The following DKK2 variants were observed in gnomAD, a reference collection of about 807,000 sequenced individuals.
The protein encoded by DKK2 is dickkopf-related protein 2.
In DKK2, 11 loss-of-function variants were observed where a neutral mutation model predicts 28.1. That is an observed-to-expected ratio of 0.39 (90% CI 0.25 to 0.65). The LOEUF (loss-of-function observed/expected upper bound fraction) is 0.65. Ranked by LOEUF, DKK2 falls within the 30% of genes least tolerant of loss-of-function variation. The pLI is 0.47. For missense variants in DKK2, 326 were observed against 335.5 expected (o/e 0.97, Z 0.22); for synonymous variants, 135 against 126.5 (o/e 1.07, Z -0.45).
Position 106,923,987 on chromosome 4 carries a change from G to A in DKK2, c.747C>T (p.Ser249=). The A allele has an allele frequency of 6.2e-7, 1 of 1,613,940 alleles. No individual in the cohort carries two copies. Among genetic ancestry groups the A allele is most frequent in the Non-Finnish European group, 8.5e-7 (1 of 1,179,872 alleles). Residue 249 remains serine (S), a synonymous_variant, in exon 4 of 4, where the codon TCC becomes TCT. Transcript: ENST00000285311. The part of the protein sequence containing the change: ...CKVWKDATYS[S]KARLHVCQKI ...TCTGACACACATGGAGTCTGGCTTT[G>A]GAGGAGTAGGTGGCATCTTTCCATA...
intron 1 of DKK2, among the ~76,000 whole-genome samples, chr4:106,942,349 T>C (rs936667126): frequency 6.6e-6 from 1 of 152,150 alleles, no homozygotes; most frequent in Non-Finnish European, 1.5e-5. Flanking sequence ...GATAAAAAAA[T>C]GAAATCCTGT....
In DKK2 at chr4:106,923,950, G is replaced by A; in HGVS notation, c.*4C>T. On this transcript the variant is annotated 3_prime_UTR_variant, in exon 4 of 4. Transcript: ENST00000285311. ...CTGCAATTGATGATGTTCCTCAATG[G>A]TGATCAAATTTTCTGACACACATGG... The A allele has an allele frequency of 6.2e-7, 1 of 1,613,082 alleles. No individual in the cohort carries two copies. Among genetic ancestry groups the A allele is most frequent in the Non-Finnish European group, 8.5e-7 (1 of 1,179,158 alleles).
chr4:106,963,363 A>G (rs1386487468), intron 1 of DKK2, among the ~76,000 whole-genome samples: 1 of 152,002 alleles, frequency 6.6e-6, no homozygotes, highest in African/African-American at 2.4e-5. Flanking sequence ...AAAAAAAAAA[A>G]GAGGCAAAAA....
chr4:106,931,690 A>G (rs1724507097), intron 1 of DKK2, among the ~76,000 whole-genome samples: 1 of 152,164 alleles, frequency 6.6e-6, no homozygotes, highest in Non-Finnish European at 1.5e-5. Context: ...ATATTTACTC[A>G]TGGGCATTTT....
intron 1 of DKK2, among the ~76,000 whole-genome samples, chr4:106,927,985 C>G (rs894708090): frequency 2.0e-5 from 3 of 152,078 alleles, no homozygotes; most frequent in African/African-American, 7.2e-5. Flanking sequence ...TCCATCCCCC[C>G]AAAATAGTCC....
At chr4:107,015,355 G>A (rs1723579590) in intron 1 of DKK2, among the ~76,000 whole-genome samples, 1 of 151,476 alleles carries the variant, frequency 6.6e-6, no homozygotes, top group Non-Finnish European at 1.5e-5. Flanking sequence ...TTGCTTTTCT[G>A]TCAAATGCCT....
chr4:106,954,469 A>G (rs1722556985), intron 1 of DKK2, among the ~76,000 whole-genome samples: 1 of 152,176 alleles, frequency 6.6e-6, no homozygotes, highest in Non-Finnish European at 1.5e-5. Flanking sequence ...TTTAATGTAC[A>G]ACTCCATTAT....
intron 1 of DKK2, among the ~76,000 whole-genome samples, chr4:107,014,029 C>G (rs958568116): frequency 2.0e-5 from 3 of 151,556 alleles, no homozygotes; most frequent in Non-Finnish European, 3.0e-5. Flanking sequence ...AACTCATACA[C>G]TGTTTGTGGG....
chr4:107,000,997 G>C (rs964650995), intron 1 of DKK2, among the ~76,000 whole-genome samples: 4 of 151,922 alleles, frequency 2.6e-5, no homozygotes, highest in African/African-American at 9.7e-5. Context: ...ACTGTTCTAT[G>C]GATTGATTTC....
chr4:106,999,952 T>C (rs1234235391), intron 1 of DKK2, among the ~76,000 whole-genome samples: 2 of 152,048 alleles, frequency 1.3e-5, no homozygotes, highest in African/African-American at 2.4e-5. Flanking sequence ...ACTACAAAAA[T>C]GCATAAATGT....
At chr4:106,964,396 G>T (rs1380810543) in intron 1 of DKK2, among the ~76,000 whole-genome samples, 1 of 151,858 alleles carries the variant, frequency 6.6e-6, no homozygotes, top group South Asian at 2.1e-4. Context: ...ATGGTTAATG[G>T]GTACAAAAAT....
chr4:106,926,327 G>A (rs769538501), intron 1 of DKK2, among the ~76,000 whole-genome samples: 5 of 152,044 alleles, frequency 3.3e-5, no homozygotes, highest in Non-Finnish European at 5.9e-5. Context: ...TTAGCCACTC[G>A]ATTTTTTCAC....
chr4:107,013,302 T>A (rs1723540823), intron 1 of DKK2, among the ~76,000 whole-genome samples: 1 of 151,280 alleles, frequency 6.6e-6, no homozygotes, highest in Non-Finnish European at 1.5e-5. Flanking sequence ...CATTACAAAG[T>A]TATAGTAAAC....
intron 1 of DKK2, among the ~76,000 whole-genome samples, chr4:106,968,882 A>C (rs556718171): frequency 1.3e-5 from 2 of 152,198 alleles, no homozygotes; most frequent in Admixed American, 1.3e-4. Context: ...AGAAGACAAA[A>C]AGACATTCCC....
chr4:106,955,867 C>A (rs1008785546), intron 1 of DKK2, among the ~76,000 whole-genome samples: 3 of 152,160 alleles, frequency 2.0e-5, no homozygotes, highest in Non-Finnish European at 4.4e-5. Context: ...TCCTCTCACG[C>A]CCTCCTCCTG....
intron 1 of DKK2, among the ~76,000 whole-genome samples, chr4:106,992,255 C>T (rs1017939907): frequency 6.6e-6 from 1 of 152,164 alleles, no homozygotes; most frequent in African/African-American, 2.4e-5. Flanking sequence ...TTTAGGTTTA[C>T]TAAGTGCTGG....
At chr4:106,994,145 A>G (rs1347198638) in intron 1 of DKK2, among the ~76,000 whole-genome samples, 1 of 152,196 alleles carries the variant, frequency 6.6e-6, no homozygotes, top group Non-Finnish European at 1.5e-5. Flanking sequence ...TCTCTCCACT[A>G]TTAAGTTCAC....
At chr4:106,986,241 A>C (rs1402857658) in intron 1 of DKK2, among the ~76,000 whole-genome samples, 1 of 152,214 alleles carries the variant, frequency 6.6e-6, no homozygotes, top group Non-Finnish European at 1.5e-5. Flanking sequence ...TCCTGGAGGC[A>C]TGTTAAGAAG....
In DKK2 at chr4:107,035,745, A is replaced by G. The variant is rs1578387093; in HGVS notation, c.-154T>C. 2.8e-6 allele frequency: 2 copies of G among 705,298 alleles called. No individual in the cohort carries two copies. Among genetic ancestry groups the G allele is most frequent in the East Asian group, 2.7e-5 (1 of 36,922 alleles). 43.7% of individuals were successfully genotyped at this position (705,298 alleles called of 1,614,324 possible). ...TCCTGGTTCGGGGACCCAGGACCCT[A>G]TGAACTCAGTCTCACGCCTCAGGAC... is the stretch of plus-strand genomic sequence containing the variant. On this transcript the variant is annotated 5_prime_UTR_variant, in exon 1 of 4. Transcript: ENST00000285311.
Sources: allele counts gnomAD v4.1 joint callset (sites outside exome capture counted in the v4.1 genomes callset), GRCh38; gene constraint gnomAD v4.1.1; transcripts MANE v1.5; gene names NCBI Gene and HGNC (gene_info 2026-07-23, HGNC 2026-07-21).